Variants in ACACA observed in about 807,000 individuals in gnomAD.
ACACA encodes the protein acetyl-CoA carboxylase 1.
ACACA carries 103 observed loss-of-function variants against 296.1 expected under a neutral mutation model. The ratio of observed to expected loss-of-function variants is 0.35; its 90% CI spans 0.30 to 0.41. The LOEUF (loss-of-function observed/expected upper bound fraction) is 0.41. ACACA is among the 10% of genes least tolerant of loss of function. The pLI, the probability that ACACA is intolerant of heterozygous loss-of-function variation, is 1.00. For missense variants in ACACA, 1,554 were observed against 2,989.7 expected (o/e 0.52, Z 11.20); for synonymous variants, 953 against 1,038.6 (o/e 0.92, Z 1.58).
At chr17:37,399,669 G>C (rs2051215153) in intron 1 of ACACA, among the ~76,000 whole-genome samples, 1 of 152,292 alleles carries the variant, frequency 6.6e-6, no homozygotes, top group African/African-American at 2.4e-5. Context: ...CTGTGTACAT[G>C]AGAAAGAAGT....
At chr17:37,339,906 C>T in intron 1 of ACACA, 56 bp from the exon 2 acceptor site, 1 of 908,244 alleles carries the variant, frequency 1.1e-6, no homozygotes, top group Non-Finnish European at 1.8e-6. Flanking sequence ...AAACTTTTGT[C>T]AATTCCTGTT....
intron 1 of ACACA, chr17:37,385,996 C>A: frequency 6.6e-7 from 1 of 1,524,932 alleles, no homozygotes; most frequent in Non-Finnish European, 9.0e-7. Flanking sequence ...ATCTTTTCTA[C>A]TTTGTTTTAT....
intron 32 of ACACA, among the ~76,000 whole-genome samples, chr17:37,206,329 A>C (rs2078499964): frequency 6.6e-6 from 1 of 152,206 alleles, no homozygotes; most frequent in African/African-American, 2.4e-5. Context: ...AGAAAGAATA[A>C]TTTATTTACT....
chr17:37,377,940 A>G, intron 1 of ACACA: 1 of 1,613,766 alleles, frequency 6.2e-7, no homozygotes, highest in Non-Finnish European at 8.5e-7. Context: ...AAGACGTGAG[A>G]AGCATCAGAG....
chr17:37,211,501 A>G (rs565811756), intron 29 of ACACA, among the ~76,000 whole-genome samples: 157 of 152,306 alleles, frequency 1.0e-3, no homozygotes, highest in African/African-American at 3.7e-3. Context: ...ACCACCTACA[A>G]TTTAGGGGCA....
intron 1 of ACACA, among the ~76,000 whole-genome samples, chr17:37,350,646 C>G (rs768872432): frequency 9.9e-5 from 15 of 152,222 alleles, no homozygotes; most frequent in Admixed American, 3.9e-4. Flanking sequence ...TTGAGAACAG[C>G]CTGACCAACA....
rs551955981 is a variant in ACACA, at chr17:37,140,396, G to A, written c.5679+9468C>T. 5.8e-4 allele frequency among the ~76,000 whole-genome samples: 88 copies of A among 151,314 alleles called. 2 individuals are homozygous for A. The highest frequency in any genetic ancestry group is 1.8e-3 in the Admixed American group (28 of 15,206). On this transcript the variant is annotated intron_variant, in intron 45 of 55. Transcript: ENST00000616317. Reference sequence around the variant, plus strand: ...AATTTTATATATAATACCCTAATACGCAATAACTTTAAAAATTCCCCACCT... The same window carrying A: ...AATTTTATATATAATACCCTAATACACAATAACTTTAAAAATTCCCCACCT...
At chr17:37,131,734 C>T (rs2075107341) in intron 45 of ACACA, among the ~76,000 whole-genome samples, 1 of 152,220 alleles carries the variant, frequency 6.6e-6, no homozygotes, top group South Asian at 2.1e-4. Context: ...CAGTGTGACC[C>T]AATTGGCCTT....
intron 54 of ACACA, 126 bp from the exon 55 acceptor site, chr17:37,089,200 G>T: frequency 7.3e-7 from 1 of 1,378,806 alleles, no homozygotes; most frequent in South Asian, 1.2e-5. Flanking sequence ...CTCCTTCACT[G>T]TCAGCATCGT....
At chr17:37,208,956 T>C (rs2078631846) in intron 30 of ACACA, among the ~76,000 whole-genome samples, 1 of 152,230 alleles carries the variant, frequency 6.6e-6, no homozygotes, top group African/African-American at 2.4e-5. Flanking sequence ...ACTTGATATC[T>C]GGGTACATAT....
In ACACA at chr17:37,338,067, A is replaced by C. The variant is rs1437876572; in HGVS notation, c.85+1737T>G. ...AGCAGAGATCACGCCACTGCACTCC[A>C]GCCTGGGCAACAGAGTGAGACTCCG... On this transcript the variant is annotated intron_variant, in intron 2 of 55. Coordinates refer to ENST00000616317, the MANE Select transcript of ACACA (RefSeq NM_198834.3). 2.6e-5 allele frequency among the ~76,000 whole-genome samples: 4 copies of C among 152,072 alleles called. No homozygotes were observed. The East Asian group carries it at 7.8e-4, about 30-fold the overall frequency.
chr17:37,337,415 CAA>C lies in ACACA; in HGVS notation c.85+2387_85+2388del, dbSNP rs71159702. On this transcript the variant is annotated intron_variant, in intron 2 of 55. Coordinates refer to ENST00000616317, the MANE Select transcript of ACACA (RefSeq NM_198834.3). Reference sequence around the variant, plus strand: ...TTGGTGACAGAGCAGGACCCTGTCTCAAAAAAAAAAAAAAAAAGAAAAGTAAA... The same window carrying C: ...TTGGTGACAGAGCAGGACCCTGTCTCAAAAAAAAAAAAAAAGAAAAGTAAA... Among the ~76,000 whole-genome samples the C allele has an allele frequency of 7.0e-3, 664 of 94,274 alleles. 1 individual carries two copies. The highest frequency in any genetic ancestry group is 0.013 in the Middle Eastern group (2 of 154). 61.8% of individuals were successfully genotyped at this position (94,274 alleles called of 152,430 possible).
At chr17:37,194,585 G>A (rs2077905478) in intron 35 of ACACA, among the ~76,000 whole-genome samples, 1 of 152,048 alleles carries the variant, frequency 6.6e-6, no homozygotes, top group Admixed American at 6.6e-5. Context: ...TCATTTAGAG[G>A]ATTTCTCTTT....
chr17:37,291,106 AAC>A (rs1260830673), intron 3 of ACACA, among the ~76,000 whole-genome samples: 1 of 149,088 alleles, frequency 6.7e-6, no homozygotes, highest in Non-Finnish European at 1.5e-5. Context: ...AAGAAAAAGA[AAC>A]ACACTAACAC....
chr17:37,404,281 T>C (rs2051390309), intron 1 of ACACA, among the ~76,000 whole-genome samples: 1 of 152,196 alleles, frequency 6.6e-6, no homozygotes, highest in Non-Finnish European at 1.5e-5. Context: ...CTATGTGAAG[T>C]TGAGAGTGGT....
intron 3 of ACACA, among the ~76,000 whole-genome samples, chr17:37,317,365 G>A (rs1014350646): frequency 2.0e-5 from 3 of 151,964 alleles, no homozygotes; most frequent in Non-Finnish European, 4.4e-5. Context: ...CAAGGCAGGC[G>A]GCCCTGCCTA....
At chr17:37,345,342 G>A (rs77402427) in intron 1 of ACACA, 18,418 of 152,186 alleles carry the variant, frequency 0.12, 1,735 homozygotes, top group East Asian at 0.45. Context: ...GTGAGCCACC[G>A]TGCCCAGCCT....
intron 27 of ACACA, 41 bp downstream of exon 27, chr17:37,224,951 A>G: frequency 1.1e-6 from 1 of 913,916 alleles, no homozygotes; most frequent in South Asian, 2.6e-5. Flanking sequence ...AAGAGTCCAG[A>G]TAGGCAGGAA....
At chr17:37,276,481 G>A (rs1397489201) in intron 7 of ACACA, among the ~76,000 whole-genome samples, 1 of 152,142 alleles carries the variant, frequency 6.6e-6, no homozygotes, top group Non-Finnish European at 1.5e-5. Flanking sequence ...CTTTAAAAAG[G>A]TTTACAAAAC....
Sources: allele counts gnomAD v4.1 joint callset (sites outside exome capture counted in the v4.1 genomes callset), GRCh38; gene constraint gnomAD v4.1.1; transcripts MANE v1.5; gene names NCBI Gene and HGNC (gene_info 2026-07-23, HGNC 2026-07-21).